Variants in EYS observed in about 807,000 individuals in gnomAD.
The protein encoded by EYS is EGF-like photoreceptor maintenance factor.
Under a neutral mutation model 282.1 loss-of-function variants are expected in EYS, and 250 were observed. The ratio of observed to expected loss-of-function variants is 0.89; its 90% confidence interval spans 0.80 to 0.98. The LOEUF is 0.98. Ranked by LOEUF, EYS falls within the 50% of genes least tolerant of loss-of-function variation. EYS has a pLI of 0.00. For synonymous variants in EYS, 1,355 were observed against 1,282.9 expected (o/e 1.06, Z -1.20); for missense variants, 4,016 against 3,709.0 (o/e 1.08, Z -2.15).
chr6:64,852,880 T>C (rs1765929394), intron 19 of EYS, among the ~76,000 whole-genome samples: 1 of 152,150 alleles, frequency 6.6e-6, no homozygotes. Context: ...GTTTTTACAC[T>C]TGTACCTACC....
In EYS at chr6:65,330,812, C is replaced by G. The variant is rs894621691; in HGVS notation, c.1766+4168G>C. 3 of 954,324 alleles carry G rather than the reference C, an allele frequency of 3.1e-6. No individual in the cohort carries two copies. In the African/African-American group the frequency reaches 5.3e-5, roughly 17 times the overall value. The allele number at this position is 954,324 out of a possible 1,614,324, so 59.1% of individuals were successfully genotyped here. ...ATTTATATCGTCATTTTACCTTAAA[C>G]TTTTAGATCCCTATACACATTTAGA... On this transcript the variant is annotated intron_variant, in intron 11 of 42. Coordinates refer to ENST00000503581, the MANE Select transcript of EYS (RefSeq NM_001142800.2).
At chr6:65,396,566 G>A (rs78340463) in intron 7 of EYS, among the ~76,000 whole-genome samples, 9,006 of 152,048 alleles carry the variant, frequency 0.059, 399 homozygotes, top group African/African-American at 0.12. Context: ...GATAAAGCTC[G>A]ACCCTACTTT....
At chr6:65,641,849 A>G (rs2149813875) in intron 1 of EYS, among the ~76,000 whole-genome samples, 1 of 152,250 alleles carries the variant, frequency 6.6e-6, no homozygotes, top group East Asian at 1.9e-4. Context: ...CTTTAAGTTA[A>G]AAAGCTTAAG....
At chr6:63,840,209 A>ATCT (rs1554180996) in intron 36 of EYS, among the ~76,000 whole-genome samples, 402 of 60,628 alleles carry the variant, frequency 6.6e-3, no homozygotes, top group Non-Finnish European at 0.011. Context: ...CACCATGCCC[A>ATCT]TCTTATTATT....
chr6:64,712,126 C>T (rs1167535117), intron 22 of EYS, among the ~76,000 whole-genome samples: 1 of 152,180 alleles, frequency 6.6e-6, no homozygotes, highest in Non-Finnish European at 1.5e-5. Flanking sequence ...GTACCTGTCC[C>T]TATCTGCCTA....
chr6:65,172,004 A>G (rs1765116051), intron 12 of EYS, among the ~76,000 whole-genome samples: 1 of 151,444 alleles, frequency 6.6e-6, no homozygotes, highest in African/African-American at 2.4e-5. Context: ...AAAATATATG[A>G]TCATGGAAAT....
chr6:65,153,405 G>GTC (rs1483552709), intron 12 of EYS, among the ~76,000 whole-genome samples: 2 of 145,910 alleles, frequency 1.4e-5, no homozygotes, highest in African/African-American at 5.3e-5. Flanking sequence ...GTGTGTGTGT[G>GTC]TGTGTGTGTT....
At chr6:63,906,836 T>C (rs781320318) in intron 35 of EYS, among the ~76,000 whole-genome samples, 6 of 151,912 alleles carry the variant, frequency 3.9e-5, no homozygotes, top group Non-Finnish European at 5.9e-5. Flanking sequence ...GATATACATA[T>C]ACTATGTAAA....
intron 30 of EYS, among the ~76,000 whole-genome samples, chr6:64,247,146 A>G (rs1055902611): frequency 6.6e-6 from 1 of 152,194 alleles, no homozygotes; most frequent in Admixed American, 6.5e-5. Context: ...TTAACATAAA[A>G]CTTACAGGAA....
chr6:65,626,139 T>C (rs1766681902), intron 2 of EYS, among the ~76,000 whole-genome samples: 2 of 152,168 alleles, frequency 1.3e-5, no homozygotes, highest in African/African-American at 4.8e-5. Flanking sequence ...TATACACGTT[T>C]TGAACCTCCT....
chr6:65,101,803 T>C (rs913709055), intron 12 of EYS, among the ~76,000 whole-genome samples: 5 of 151,214 alleles, frequency 3.3e-5, no homozygotes, highest in African/African-American at 1.2e-4. Flanking sequence ...TTGGCATTTA[T>C]GGTCAGCTTT....
chr6:65,144,542 C>T (rs989686960), intron 12 of EYS, among the ~76,000 whole-genome samples: 6 of 152,088 alleles, frequency 3.9e-5, no homozygotes, highest in African/African-American at 1.2e-4. Context: ...AATAATTTCA[C>T]AGCATTCGCA....
intron 12 of EYS, among the ~76,000 whole-genome samples, chr6:65,114,740 G>T (rs1191693300): frequency 1.3e-5 from 2 of 151,800 alleles, no homozygotes; most frequent in African/African-American, 4.8e-5. Context: ...ACTTCTTCAA[G>T]TGATTTCATC....
intron 13 of EYS, among the ~76,000 whole-genome samples, chr6:65,042,662 T>C (rs1252810058): frequency 1.3e-5 from 2 of 151,456 alleles, no homozygotes; most frequent in African/African-American, 4.8e-5. Context: ...AAATCCACCA[T>C]TCAGCATTAT....
chr6:64,156,003 TG>T (rs1214910692), intron 31 of EYS, among the ~76,000 whole-genome samples: 2 of 150,524 alleles, frequency 1.3e-5, no homozygotes, highest in African/African-American at 4.9e-5. Context: ...TGTGTGTGTG[TG>T]TGTATGTGTG....
At chr6:64,506,349 A>C (rs1231054695) in intron 26 of EYS, among the ~76,000 whole-genome samples, 1 of 152,192 alleles carries the variant, frequency 6.6e-6, no homozygotes, top group Non-Finnish European at 1.5e-5. Flanking sequence ...ATTTAAAAAA[A>C]AGTTTGGTTT....
chr6:65,617,375 A>C (rs1488420822), intron 2 of EYS, among the ~76,000 whole-genome samples: 2 of 152,142 alleles, frequency 1.3e-5, no homozygotes, highest in African/African-American at 4.8e-5. Context: ...ACTTGTTACG[A>C]CTTCAAAAAC....
At chr6:64,447,168 G>T (rs1775143324) in intron 26 of EYS, among the ~76,000 whole-genome samples, 1 of 152,044 alleles carries the variant, frequency 6.6e-6, no homozygotes, top group African/African-American at 2.4e-5. Context: ...CAGCAACTGT[G>T]TATTACCCAC....
chr6:65,377,860 A>C (rs1765436704), intron 8 of EYS, among the ~76,000 whole-genome samples: 1 of 152,174 alleles, frequency 6.6e-6, no homozygotes, highest in South Asian at 2.1e-4. Context: ...ACCACGAAGA[A>C]GTCAAATCGT....
Sources: gnomAD v4.1 joint callset for allele counts (sites outside exome capture counted in the v4.1 genomes callset) on GRCh38, gnomAD v4.1.1 for gene constraint, MANE v1.5 for transcripts, NCBI Gene and HGNC (gene_info 2026-07-23, HGNC 2026-07-21) for gene names.